The following ZFAND6 variants were observed in gnomAD, a reference collection of about 807,000 sequenced individuals.
ZFAND6 encodes zinc finger AN1-type containing 6.
A neutral mutation model predicts 24.5 loss-of-function variants in ZFAND6; 12 were observed. The observed-to-expected ratio is 0.49, with a 90% CI of 0.31 to 0.79. The LOEUF (loss-of-function observed/expected upper bound fraction) is 0.79, where lower values mean the gene tolerates loss of function less well. Ranked by LOEUF, ZFAND6 falls within the 30% of genes least tolerant of loss-of-function variation. ZFAND6 has a pLI of 0.04. For synonymous variants in ZFAND6, 92 were observed against 81.5 expected, an observed-to-expected ratio of 1.13 and a Z score of -0.69; for missense variants, 207 against 245.9, an observed-to-expected ratio of 0.84 and a Z score of 1.06.
Position 80,138,335 on chromosome 15 carries a change from T to A in ZFAND6, c.*707T>A, listed in dbSNP as rs1227024284. 1.3e-5 allele frequency: 2 copies of A among 152,634 alleles called. No individual in the cohort carries two copies. The highest frequency in any genetic ancestry group is 2.9e-5 in the Non-Finnish European group (2 of 68,016). 9.5% of individuals were successfully genotyped at this position (152,634 alleles called of 1,614,324 possible). The stretch of plus-strand genomic sequence containing the variant: ...ATGATCTGAAGTAATTGTGCTGTAT[T>A]TATGTTTATTCACCAGTCTTTGATT... On this transcript the variant is annotated 3_prime_UTR_variant, in exon 7 of 7. Transcript: ENST00000261749.
chr15:80,070,422 G>A (rs1292808329), intron 1 of ZFAND6, among the ~76,000 whole-genome samples: 2 of 151,992 alleles, frequency 1.3e-5, no homozygotes, highest in Admixed American at 6.5e-5. Context: ...ATATTATCTC[G>A]GTTATACATT....
At chr15:80,082,141 G>A (rs1356379818) in intron 1 of ZFAND6, among the ~76,000 whole-genome samples, 2 of 152,162 alleles carry the variant, frequency 1.3e-5, no homozygotes, top group Admixed American at 6.6e-5. Context: ...GAAGAGGTAT[G>A]GAGTATACAT....
intron 1 of ZFAND6, among the ~76,000 whole-genome samples, chr15:80,081,103 G>A (rs1377295311): frequency 6.6e-6 from 1 of 152,206 alleles, no homozygotes; most frequent in Non-Finnish European, 1.5e-5. Flanking sequence ...CTCAGTAGCT[G>A]TAGGAATTTA....
chr15:80,120,093 T>C (rs928679114), intron 2 of ZFAND6, among the ~76,000 whole-genome samples: 1 of 152,220 alleles, frequency 6.6e-6, no homozygotes, highest in Admixed American at 6.5e-5. Context: ...TTCTTTATAC[T>C]TTCTGAGCCT....
intron 1 of ZFAND6, among the ~76,000 whole-genome samples, chr15:80,070,949 G>C (rs1027878589): frequency 6.6e-6 from 1 of 152,164 alleles, no homozygotes; most frequent in Non-Finnish European, 1.5e-5. Context: ...TGTCCACACA[G>C]TGGGAAGAAA....
intron 2 of ZFAND6, among the ~76,000 whole-genome samples, chr15:80,101,322 G>T (rs1006026918): frequency 5.9e-5 from 9 of 152,238 alleles, no homozygotes; most frequent in Admixed American, 3.9e-4. Flanking sequence ...AATTAGCCGG[G>T]CATGGTGGCT....
intron 1 of ZFAND6, among the ~76,000 whole-genome samples, chr15:80,080,021 TAG>T (rs1362781439): frequency 1.3e-5 from 2 of 151,114 alleles, no homozygotes; most frequent in African/African-American, 2.4e-5. Context: ...TTCTTTGAGA[TAG>T]AGTCTTGCTC....
chr15:80,131,207 C>CATCT lies in ZFAND6; in HGVS notation c.393_396dup (p.Glu133IlefsTer2), dbSNP rs1403913200. ...TCAGTATCAGACACAGCACAGCAGCCATCTGAAGAGCAAAGCAAGTCTCTT... is the reference window on the plus strand; with the variant it reads ...TCAGTATCAGACACAGCACAGCAGCCATCTATCTGAAGAGCAAAGCAAGTCTCTT... On this transcript the variant is annotated frameshift_variant, in exon 6 of 7. Coordinates refer to ENST00000261749, the MANE Select transcript of ZFAND6 (RefSeq NM_019006.4). LOFTEE classifies it high-confidence loss of function. 6.2e-7 allele frequency: 1 copy of CATCT among 1,610,190 alleles called. No homozygotes were observed. The highest frequency in any genetic ancestry group is 1.3e-5 in the African/African-American group (1 of 74,914).
chr15:80,136,902 A>G (rs2040891114), intron 6 of ZFAND6, among the ~76,000 whole-genome samples: 1 of 152,194 alleles, frequency 6.6e-6, no homozygotes. Flanking sequence ...ATTATTCCAA[A>G]ATTACAGATG....
intron 2 of ZFAND6, among the ~76,000 whole-genome samples, chr15:80,114,197 C>G: frequency 6.6e-6 from 1 of 152,162 alleles, no homozygotes; most frequent in East Asian, 1.9e-4. Flanking sequence ...ATTATTTAAT[C>G]TGGTTAGATA....
intron 2 of ZFAND6, among the ~76,000 whole-genome samples, chr15:80,105,830 T>A (rs1465172352): frequency 6.6e-6 from 1 of 152,238 alleles, no homozygotes; most frequent in Non-Finnish European, 1.5e-5. Context: ...TGTTACGTTT[T>A]AACTGAAAGA....
intron 1 of ZFAND6, among the ~76,000 whole-genome samples, chr15:80,065,864 TAAAA>T (rs1008784614): frequency 1.3e-5 from 2 of 152,012 alleles, no homozygotes; most frequent in Non-Finnish European, 2.9e-5. Context: ...TTTTTTAACT[TAAAA>T]AAATTGCAAC....
At position 80,096,001 on chromosome 15, in the gene ZFAND6, G is replaced by C. The variant is rs531477271; in HGVS notation, c.-180-2415G>C. ...ATACAGTTTGATCTATCAGTACAAT[G>C]GATCACTGTTTGCCTGTAATCTAGC... On this transcript the variant is annotated intron_variant, in intron 1 of 6. Coordinates refer to ENST00000261749, the MANE Select transcript of ZFAND6 (RefSeq NM_019006.4). Among the ~76,000 whole-genome samples, 153 of 152,290 alleles carry C rather than the reference G, an allele frequency of 1.0e-3. 1 individual carries two copies. The highest frequency in any genetic ancestry group is 1.6e-3 in the Non-Finnish European group (107 of 68,018).
chr15:80,129,150 A>G (rs1465679530), intron 5 of ZFAND6, among the ~76,000 whole-genome samples: 5 of 152,200 alleles, frequency 3.3e-5, no homozygotes, highest in Non-Finnish European at 7.4e-5. Flanking sequence ...AGCTGGAGAT[A>G]AACAGTAAAC....
intron 6 of ZFAND6, among the ~76,000 whole-genome samples, chr15:80,135,384 G>A (rs2040815026): frequency 6.6e-6 from 1 of 152,144 alleles, no homozygotes; most frequent in South Asian, 2.1e-4. Context: ...TTTTTGACTT[G>A]TAGAGGGGTC....
At chr15:80,064,999 C>T (rs1402679159) in intron 1 of ZFAND6, among the ~76,000 whole-genome samples, 8 of 57,232 alleles carry the variant, frequency 1.4e-4, no homozygotes, top group African/African-American at 2.7e-4. Flanking sequence ...TCTCTCTCTC[C>T]CCCTTTTTTT....
At chr15:80,085,117 C>G (rs1161691745) in intron 1 of ZFAND6, among the ~76,000 whole-genome samples, 1 of 152,178 alleles carries the variant, frequency 6.6e-6, no homozygotes, top group African/African-American at 2.4e-5. Flanking sequence ...TACGTCATAC[C>G]AGGAGGTTAA....
At chr15:80,131,423 G>T in intron 6 of ZFAND6, 130 bp downstream of exon 6, 2 of 668,156 alleles carry the variant, frequency 3.0e-6, no homozygotes, top group South Asian at 3.7e-5. Context: ...TTCACCTTCT[G>T]AATTTTCTTA....
chr15:80,121,751 A>G lies in ZFAND6; in HGVS notation c.194A>G (p.Gln65Arg). The change falls in exon 4 of 7, where the codon CAA (glutamine) becomes CGA (arginine). Residue 65 changes from glutamine (Q) to arginine (R), a missense_variant. By Grantham distance (43) the Gln-to-Arg change is conservative (BLOSUM62 1). Transcript: ENST00000261749. ...VSSLSESLPV[Q>R]CTDGSVPEAQ... Reference sequence around the variant, plus strand: ...AGTCTGTCTGAATCTTTACCAGTTCAATGCACAGATGGCAGTGTGCCAGAA... The same window carrying G: ...AGTCTGTCTGAATCTTTACCAGTTCGATGCACAGATGGCAGTGTGCCAGAA... The G allele has an allele frequency of 6.2e-7, 1 of 1,613,916 alleles. No individual in the cohort carries two copies. Among genetic ancestry groups the G allele is most frequent in the Non-Finnish European group, 8.5e-7 (1 of 1,179,882 alleles).
Sources: gnomAD v4.1 joint callset for allele counts (sites outside exome capture counted in the v4.1 genomes callset) on GRCh38, gnomAD v4.1.1 for gene constraint, MANE v1.5 for transcripts, NCBI Gene and HGNC (gene_info 2026-07-23, HGNC 2026-07-21) for gene names.